Variants in SGK3 observed in about 807,000 individuals in gnomAD.
SGK3 encodes serine/threonine-protein kinase Sgk3.
SGK3 carries 47 observed loss-of-function variants against 68.5 expected under a neutral mutation model. That is an observed-to-expected ratio of 0.69 (90% CI 0.54 to 0.87). SGK3 has a LOEUF of 0.87. SGK3 is among the 40% of genes least tolerant of loss of function. The probability of loss-of-function intolerance (pLI) is 0.00; values close to 1 mark genes in which losing one functional copy is unlikely to be tolerated. For missense variants in SGK3, 479 were observed against 575.5 expected, an observed-to-expected ratio of 0.83 and a Z score of 1.72; for synonymous variants, 181 against 189.1, an observed-to-expected ratio of 0.96 and a Z score of 0.35.
intron 1 of SGK3, among the ~76,000 whole-genome samples, chr8:66,789,760 C>T (rs1807359861): frequency 6.6e-6 from 1 of 152,136 alleles, no homozygotes; most frequent in South Asian, 2.1e-4. Flanking sequence ...GAAAGATCAA[C>T]AGTATATGCC....
At chr8:66,774,409 T>C (rs1163654843) in intron 1 of SGK3, among the ~76,000 whole-genome samples, 1 of 152,144 alleles carries the variant, frequency 6.6e-6, no homozygotes, top group Non-Finnish European at 1.5e-5. Context: ...GTGATCTTCC[T>C]GACTCAGCCC....
intron 1 of SGK3, among the ~76,000 whole-genome samples, chr8:66,763,835 A>C (rs767834943): frequency 2.0e-5 from 3 of 152,058 alleles, no homozygotes; most frequent in Non-Finnish European, 4.4e-5. Context: ...ATAGGAACAT[A>C]ATTACTAATT....
intron 1 of SGK3, among the ~76,000 whole-genome samples, chr8:66,714,040 C>T (rs2130308505): frequency 6.6e-6 from 1 of 152,336 alleles, no homozygotes; most frequent in African/African-American, 2.4e-5. Flanking sequence ...TGCCCATCGG[C>T]TAACTCTGGA....
intron 1 of SGK3, among the ~76,000 whole-genome samples, chr8:66,736,775 A>G (rs895591432): frequency 4.6e-5 from 7 of 152,012 alleles, no homozygotes; most frequent in Non-Finnish European, 8.8e-5. Context: ...GTGTGCCACC[A>G]TGCCCAGCTA....
intron 1 of SGK3, among the ~76,000 whole-genome samples, chr8:66,758,209 C>T (rs1438325522): frequency 4.0e-5 from 6 of 151,742 alleles, no homozygotes; most frequent in Non-Finnish European, 8.8e-5. Flanking sequence ...CAAAAATTAG[C>T]CAGGTGTGGT....
At chr8:66,729,234 A>C (rs1191549276) in intron 1 of SGK3, among the ~76,000 whole-genome samples, 4 of 150,512 alleles carry the variant, frequency 2.7e-5, no homozygotes, top group Admixed American at 6.7e-5. Context: ...AGGCAGGCGG[A>C]TCACGAGGTC....
At chr8:66,798,736 A>G in intron 3 of SGK3, 111 bp downstream of exon 3, 1 of 896,870 alleles carries the variant, frequency 1.1e-6, no homozygotes, top group East Asian at 2.6e-5. Context: ...AATATGTCAG[A>G]CAGGCAGACA....
chr8:66,736,173 T>C (rs1805309956), intron 1 of SGK3, among the ~76,000 whole-genome samples: 1 of 152,222 alleles, frequency 6.6e-6, no homozygotes, highest in African/African-American at 2.4e-5. Context: ...CATAGTAATG[T>C]GACATACCTC....
chr8:66,843,362 C>A lies in SGK3; in HGVS notation c.979-90C>A, dbSNP rs1384365322. The A allele has an allele frequency of 3.0e-6, 4 of 1,318,388 alleles. No individual in the cohort carries two copies. In the African/African-American group the frequency reaches 4.5e-5, roughly 15 times the overall value. 81.7% of individuals were successfully genotyped at this position (1,318,388 alleles called of 1,614,324 possible). On this transcript the variant is annotated intron_variant, in intron 13 of 16. Coordinates refer to ENST00000521198, the MANE Select transcript of SGK3 (RefSeq NM_001033578.3). ...TAATTTGGTTTCAGTATGATAGCAA[C>A]AACTAAAATTTGTTAAATTTCTCAA...
rs143632974 is a variant in SGK3 at position 66,813,884 on chromosome 8, C to T, written c.285C>T (p.Asn95=). The change falls in exon 5 of 17, where the codon AAC becomes AAT. Residue 95 remains asparagine (N), a synonymous_variant. Transcript: ENST00000521198. ...TTAAACAAAGACGAGCAGGACTAAACGAATTCATTCAGAACCTAGTTAGGT... is the reference window on the plus strand; with the variant it reads ...TTAAACAAAGACGAGCAGGACTAAATGAATTCATTCAGAACCTAGTTAGGT... ...DFIKQRRAGL[N]EFIQNLVRYP... is the part of the protein sequence containing the mutation. 3.3e-5 allele frequency: 52 copies of T among 1,589,238 alleles called. No individual in the cohort carries two copies. Among genetic ancestry groups the T allele is most frequent in the Middle Eastern group, 1.7e-4 (1 of 6,020 alleles).
chr8:66,785,847 G>A (rs1039048982), intron 1 of SGK3, among the ~76,000 whole-genome samples: 1 of 152,198 alleles, frequency 6.6e-6, no homozygotes, highest in African/African-American at 2.4e-5. Context: ...TGGAAGAGCT[G>A]TCACCTACCC....
intron 1 of SGK3, among the ~76,000 whole-genome samples, chr8:66,749,218 G>A (rs1377309419): frequency 6.6e-6 from 1 of 152,044 alleles, no homozygotes; most frequent in Non-Finnish European, 1.5e-5. Context: ...TCATCTTATA[G>A]AAAAGTTATT....
chr8:66,830,493 C>T (rs1809259560), intron 7 of SGK3, among the ~76,000 whole-genome samples: 1 of 151,992 alleles, frequency 6.6e-6, no homozygotes, highest in Non-Finnish European at 1.5e-5. Context: ...GGATTTATTC[C>T]CCTCTTCCCA....
intron 1 of SGK3, among the ~76,000 whole-genome samples, chr8:66,764,492 A>C (rs1210352267): frequency 6.6e-6 from 1 of 151,970 alleles, no homozygotes; most frequent in Non-Finnish European, 1.5e-5. Flanking sequence ...TTTTTTGAGA[A>C]AGGGCCTCAC....
chr8:66,751,096 G>A (rs536174419), intron 1 of SGK3, among the ~76,000 whole-genome samples: 46 of 151,474 alleles, frequency 3.0e-4, no homozygotes, highest in Non-Finnish European at 5.3e-4. Context: ...TCAGGAGATC[G>A]AGACCATCCT....
At chr8:66,857,512 C>T (rs183062328) in intron 16 of SGK3, among the ~76,000 whole-genome samples, 114 of 152,004 alleles carry the variant, frequency 7.5e-4, no homozygotes, top group Non-Finnish European at 1.3e-3. Flanking sequence ...CTGGGCATGG[C>T]GGCTCATGGC....
At chr8:66,839,478 A>C (rs1809676863) in intron 10 of SGK3, among the ~76,000 whole-genome samples, 1 of 114,200 alleles carries the variant, frequency 8.8e-6, no homozygotes, top group Non-Finnish European at 1.7e-5. Context: ...TATTTGGCTC[A>C]AGTAAATTAT....
intron 5 of SGK3, among the ~76,000 whole-genome samples, chr8:66,820,364 G>A (rs559558021): frequency 2.6e-5 from 4 of 151,952 alleles, no homozygotes; most frequent in African/African-American, 7.3e-5. Context: ...CTTCATTCAC[G>A]TTATAGCATG....
chr8:66,789,434 G>A (rs1319901382), intron 1 of SGK3, among the ~76,000 whole-genome samples: 1 of 152,158 alleles, frequency 6.6e-6, no homozygotes. Flanking sequence ...TAGCTTTTAT[G>A]ACATGGGACA....
Sources: gnomAD v4.1 joint callset for allele counts (sites outside exome capture counted in the v4.1 genomes callset) on GRCh38, gnomAD v4.1.1 for gene constraint, MANE v1.5 for transcripts, NCBI Gene and HGNC (gene_info 2026-07-23, HGNC 2026-07-21) for gene names.